Variants in RARB observed in about 807,000 individuals in gnomAD.
RARB encodes the protein HBV-activated protein.
In RARB, 17 loss-of-function variants were observed where a neutral mutation model predicts 51.9. That is an observed-to-expected ratio of 0.33 (90% CI 0.22 to 0.49). The LOEUF (loss-of-function observed/expected upper bound fraction) is 0.49, where lower values mean the gene tolerates loss of function less well. Ranked by LOEUF, RARB falls within the 20% of genes least tolerant of loss-of-function variation. RARB has a pLI of 0.99. For synonymous variants in RARB, 215 were observed against 195.4 expected (o/e 1.10, Z -0.84); for missense variants, 369 against 550.8 (o/e 0.67, Z 3.30).
chr3:25,190,260 A>C (rs1701068079), intron 5 of RARB, among the ~76,000 whole-genome samples: 1 of 152,044 alleles, frequency 6.6e-6, no homozygotes, highest in Non-Finnish European at 1.5e-5. Context: ...CAATGAGTGT[A>C]CTCACATGTT....
chr3:24,893,438 G>C (rs1703424646), intron 2 of RARB, among the ~76,000 whole-genome samples: 1 of 152,092 alleles, frequency 6.6e-6, no homozygotes, highest in East Asian at 1.9e-4. Flanking sequence ...ATCGTGCTTT[G>C]GGACACAGAG....
At chr3:25,354,941 C>T (rs1016686425) in intron 5 of RARB, among the ~76,000 whole-genome samples, 1 of 151,344 alleles carries the variant, frequency 6.6e-6, no homozygotes. Flanking sequence ...AACCATGAAA[C>T]CATGAGCACA....
Position 25,421,403 on chromosome 3 carries a change from C to CTTTTTTTTTTTTTTTTT in RARB, c.179-39778_179-39762dup, listed in dbSNP as rs766378555. On this transcript the variant is annotated intron_variant, in intron 5 of 11. Coordinates refer to the RARB transcript ENST00000383772. ...TTGCACTAACATTTTTTCTTCTTTTCTTTTTTTTTTTTTTTTTTTTTTTTT... is the reference window on the plus strand; with the variant it reads ...TTGCACTAACATTTTTTCTTCTTTTCTTTTTTTTTTTTTTTTTTTTTTTTTTTTTTTTTTTTTTTTTT... 4.4e-4 allele frequency among the ~76,000 whole-genome samples: 32 copies of CTTTTTTTTTTTTTTTTT among 72,364 alleles called. 3 individuals carry two copies. Among genetic ancestry groups the CTTTTTTTTTTTTTTTTT allele is most frequent in the African/African-American group, 1.3e-3 (20 of 15,500 alleles). 47.5% of individuals were successfully genotyped at this position (72,364 alleles called of 152,430 possible). A position where few individuals can be genotyped will look rare whatever the true frequency, so the allele number is the denominator to read the frequency against.
intron 1 of RARB, among the ~76,000 whole-genome samples, chr3:24,845,842 T>G (rs1702479777): frequency 6.6e-6 from 1 of 152,200 alleles, no homozygotes; most frequent in Non-Finnish European, 1.5e-5. Context: ...GTCGATTTCC[T>G]GTGTCTCACA....
At position 25,233,631 on chromosome 3, in the gene RARB, ATCAT is replaced by A. The variant is rs947276248; in HGVS notation, c.178+59060_178+59063del. On this transcript the variant is annotated intron_variant, in intron 5 of 11. Transcript: ENST00000383772. The stretch of plus-strand genomic sequence containing the variant: ...TGTCCTGTTCCTGATATCAGAAAAA[ATCAT>A]TCAGTCTTTCACCCTTTAGCATGAA... Among the ~76,000 whole-genome samples, 4 of 152,166 alleles carry A rather than the reference ATCAT, an allele frequency of 2.6e-5. No individual in the cohort carries two copies. The South Asian group carries it at 6.2e-4, about 24-fold the overall frequency.
At chr3:25,532,144 A>G (rs1474297552) in intron 3 of RARB, among the ~76,000 whole-genome samples, 1 of 152,200 alleles carries the variant, frequency 6.6e-6, no homozygotes, top group African/African-American at 2.4e-5. Context: ...GAGGGCTGCA[A>G]AGGGCTCTCA....
At chr3:24,901,412 T>G (rs1703602141) in intron 2 of RARB, among the ~76,000 whole-genome samples, 1 of 152,164 alleles carries the variant, frequency 6.6e-6, no homozygotes, top group Admixed American at 6.5e-5. Flanking sequence ...ATATTTATAT[T>G]TTTTACTTTT....
intron 5 of RARB, among the ~76,000 whole-genome samples, chr3:25,238,189 T>G (rs1203873025): frequency 6.6e-6 from 1 of 151,616 alleles, no homozygotes; most frequent in African/African-American, 2.4e-5. Flanking sequence ...GTATCTAGGA[T>G]TCTACTCTCT....
At chr3:25,268,238 G>A (rs916082543) in intron 5 of RARB, among the ~76,000 whole-genome samples, 2 of 151,628 alleles carry the variant, frequency 1.3e-5, no homozygotes, top group Non-Finnish European at 2.9e-5. Flanking sequence ...TCTTTTTTTA[G>A]GACCAGGTAG....
intron 5 of RARB, among the ~76,000 whole-genome samples, chr3:25,391,144 A>G (rs116413172): frequency 0.015 from 2,223 of 152,270 alleles, 58 homozygotes; most frequent in African/African-American, 0.051. Flanking sequence ...AGAATATACA[A>G]TGTTTGGTTT....
intron 3 of RARB, among the ~76,000 whole-genome samples, chr3:25,099,848 G>A (rs1228487917): frequency 6.6e-6 from 1 of 152,068 alleles, no homozygotes. Flanking sequence ...CTTCATTTGT[G>A]TGTGCAGTCC....
At position 25,148,325 on chromosome 3, in the gene RARB, A is replaced by G. The variant is rs140380417; in HGVS notation, c.-280+16117A>G. On this transcript the variant is annotated intron_variant, in intron 4 of 11. Coordinates refer to the RARB transcript ENST00000383772. ...TAGATGGCAGACATTTTTAAAGAAC[A>G]TATGTGTTGGTGAACATGGCAGATA... Among the ~76,000 whole-genome samples the G allele has an allele frequency of 1.6e-3, 251 of 152,316 alleles. 1 individual carries two copies. The highest frequency in any genetic ancestry group is 5.9e-3 in the African/African-American group (247 of 41,576).
intron 5 of RARB, among the ~76,000 whole-genome samples, chr3:25,333,000 C>CA (rs1704950491): frequency 6.6e-6 from 1 of 152,150 alleles, no homozygotes; most frequent in Non-Finnish European, 1.5e-5. Context: ...AGGAGAACTA[C>CA]AAACCACTGC....
chr3:25,216,220 C>T (rs1299808116), intron 5 of RARB, among the ~76,000 whole-genome samples: 1 of 152,174 alleles, frequency 6.6e-6, no homozygotes, highest in Non-Finnish European at 1.5e-5. Flanking sequence ...ACACAATCCT[C>T]TCCCCCACAA....
chr3:25,292,330 C>A (rs1012302895), intron 5 of RARB, among the ~76,000 whole-genome samples: 1 of 152,136 alleles, frequency 6.6e-6, no homozygotes, highest in Non-Finnish European at 1.5e-5. Flanking sequence ...TGAGCAAGTC[C>A]TCCCCGATGT....
At chr3:25,270,803 G>T (rs1342939514) in intron 5 of RARB, among the ~76,000 whole-genome samples, 1 of 152,226 alleles carries the variant, frequency 6.6e-6, no homozygotes, top group Non-Finnish European at 1.5e-5. Context: ...GTTTAAGGTT[G>T]TAACAGGTTG....
chr3:25,358,465 C>A (rs190891151), intron 5 of RARB, among the ~76,000 whole-genome samples: 37 of 152,058 alleles, frequency 2.4e-4, no homozygotes, highest in Admixed American at 9.8e-4. Context: ...ATTTCAAAAC[C>A]CTTTATTTCT....
At chr3:24,974,680 T>C (rs960157677) in intron 2 of RARB, among the ~76,000 whole-genome samples, 5 of 152,132 alleles carry the variant, frequency 3.3e-5, no homozygotes, top group African/African-American at 9.7e-5. Context: ...TTAACAAATA[T>C]ATAGTATCCC....
At chr3:24,838,927 G>GTTTTTT (rs71295101) in intron 1 of RARB, among the ~76,000 whole-genome samples, 1 of 146,196 alleles carries the variant, frequency 6.8e-6, no homozygotes. Context: ...AAATCTCCAG[G>GTTTTTT]TTTTTTTTTT....
Sources: gnomAD v4.1 joint callset for allele counts (sites outside exome capture counted in the v4.1 genomes callset) on GRCh38, gnomAD v4.1.1 for gene constraint, MANE v1.5 for transcripts, NCBI Gene and HGNC (gene_info 2026-07-23, HGNC 2026-07-21) for gene names.